The following DSCAM variants were observed in gnomAD, a reference collection of about 807,000 sequenced individuals.
DSCAM encodes DS cell adhesion molecule.
Under a neutral mutation model 217.7 loss-of-function variants are expected in DSCAM, and 47 were observed. That is an observed-to-expected ratio of 0.22 (90% CI 0.17 to 0.28). The LOEUF (loss-of-function observed/expected upper bound fraction) is 0.28, where lower values mean the gene tolerates loss of function less well. DSCAM is among the 10% of genes least tolerant of loss of function. DSCAM has a pLI of 1.00. For missense variants in DSCAM, 2,080 were observed against 2,618.3 expected, an observed-to-expected ratio of 0.79 and a Z score of 4.49; for synonymous variants, 1,056 against 1,015.3, an observed-to-expected ratio of 1.04 and a Z score of -0.76.
At chr21:40,372,408 T>G (rs1372662442) in intron 3 of DSCAM, among the ~76,000 whole-genome samples, 1 of 152,262 alleles carries the variant, frequency 6.6e-6, no homozygotes, top group Non-Finnish European at 1.5e-5. Flanking sequence ...CTTGGAATAC[T>G]ATTAGCATTT....
chr21:40,558,060 T>C (rs2076686524), intron 3 of DSCAM, among the ~76,000 whole-genome samples: 1 of 151,756 alleles, frequency 6.6e-6, no homozygotes, highest in African/African-American at 2.4e-5. Flanking sequence ...ATAAGTATAC[T>C]TCCATAACTA....
chr21:40,412,634 T>A (rs2039167536), intron 3 of DSCAM, among the ~76,000 whole-genome samples: 1 of 152,212 alleles, frequency 6.6e-6, no homozygotes, highest in Admixed American at 6.5e-5. Context: ...AAGATGTGAC[T>A]AGGGTGCTGT....
chr21:40,659,550 A>T (rs185245178), intron 3 of DSCAM, among the ~76,000 whole-genome samples: 93 of 152,014 alleles, frequency 6.1e-4, no homozygotes, highest in African/African-American at 2.2e-3. Context: ...CCATCTATGT[A>T]TATGCCTATC....
At chr21:40,296,831 CAAAA>C (rs58219836) in intron 9 of DSCAM, among the ~76,000 whole-genome samples, 3,599 of 53,700 alleles carry the variant, frequency 0.067, 97 homozygotes, top group African/African-American at 0.16. Context: ...AACTCCATCT[CAAAA>C]AAAAAAAAAA....
chr21:40,364,674 A>G (rs1490707872), intron 4 of DSCAM, among the ~76,000 whole-genome samples: 1 of 129,358 alleles, frequency 7.7e-6, no homozygotes, highest in Non-Finnish European at 1.6e-5. Context: ...AACTTAAAGT[A>G]CAATTAAAAA....
intron 9 of DSCAM, among the ~76,000 whole-genome samples, chr21:40,310,547 T>A (rs1360961770): frequency 6.6e-6 from 1 of 152,256 alleles, no homozygotes; most frequent in Non-Finnish European, 1.5e-5. Context: ...TTATCCCAAA[T>A]AGCTAGGCTC....
intron 11 of DSCAM, among the ~76,000 whole-genome samples, chr21:40,227,471 A>G (rs1267148343): frequency 6.6e-6 from 1 of 152,216 alleles, no homozygotes; most frequent in Non-Finnish European, 1.5e-5. Context: ...AATAGTAGAC[A>G]ACATTTGGGG....
intron 1 of DSCAM, among the ~76,000 whole-genome samples, chr21:40,766,232 T>C (rs1487435743): frequency 6.6e-6 from 1 of 152,078 alleles, no homozygotes; most frequent in Non-Finnish European, 1.5e-5. Flanking sequence ...CATGAACTGT[T>C]AGGACCCGAT....
intron 2 of DSCAM, among the ~76,000 whole-genome samples, chr21:40,706,770 C>T (rs1459005201): frequency 6.6e-6 from 1 of 152,076 alleles, no homozygotes; most frequent in Non-Finnish European, 1.5e-5. Flanking sequence ...AGTGAACAAC[C>T]TAAAAGATTA....
At chr21:40,845,166 G>T (rs2092134020) in intron 1 of DSCAM, among the ~76,000 whole-genome samples, 1 of 152,198 alleles carries the variant, frequency 6.6e-6, no homozygotes, top group South Asian at 2.1e-4. Context: ...TGGGTGTCTT[G>T]TCAGAACTTG....
At chr21:40,181,849 C>A (rs931499971) in intron 14 of DSCAM, among the ~76,000 whole-genome samples, 5 of 151,940 alleles carry the variant, frequency 3.3e-5, no homozygotes, top group African/African-American at 9.7e-5. Context: ...CTCGGAGTTG[C>A]AGCCTGGTTT....
At chr21:40,493,624 G>A (rs946431107) in intron 3 of DSCAM, among the ~76,000 whole-genome samples, 1 of 151,708 alleles carries the variant, frequency 6.6e-6, no homozygotes, top group Non-Finnish European at 1.5e-5. Flanking sequence ...CACTTTAGGA[G>A]GCCGAGGCAG....
chr21:40,415,552 A>G (rs1028225188), intron 3 of DSCAM, among the ~76,000 whole-genome samples: 5 of 152,268 alleles, frequency 3.3e-5, no homozygotes, highest in African/African-American at 1.2e-4. Flanking sequence ...AGACATTGTG[A>G]TAATACTGGA....
chr21:40,689,438 T>C (rs1260971873), intron 3 of DSCAM, among the ~76,000 whole-genome samples: 3 of 152,214 alleles, frequency 2.0e-5, no homozygotes, highest in African/African-American at 7.2e-5. Flanking sequence ...GTGGGGCACG[T>C]TGGGCCATGG....
At chr21:40,130,383 T>A (rs1471362823) in intron 19 of DSCAM, among the ~76,000 whole-genome samples, 1 of 152,188 alleles carries the variant, frequency 6.6e-6, no homozygotes, top group African/African-American at 2.4e-5. Flanking sequence ...AAGTTCTCAC[T>A]GATAGAGCAG....
intron 1 of DSCAM, among the ~76,000 whole-genome samples, chr21:40,828,772 C>G (rs910385515): frequency 6.6e-6 from 1 of 151,886 alleles, no homozygotes; most frequent in Non-Finnish European, 1.5e-5. Flanking sequence ...TCTCCAGCCT[C>G]AGCCTCCCAA....
At chr21:40,265,054 G>T (rs1158276540) in intron 11 of DSCAM, among the ~76,000 whole-genome samples, 1 of 140,632 alleles carries the variant, frequency 7.1e-6, no homozygotes, top group South Asian at 2.2e-4. Flanking sequence ...TTAGCCAGGT[G>T]TAGTGACAGG....
Position 40,835,888 on chromosome 21 carries a change from C to CT in DSCAM, c.43+10730dup, listed in dbSNP as rs557298745. On this transcript the variant is annotated intron_variant, in intron 1 of 32. Transcript: ENST00000400454. ...TATGCCCTTATATGCCAGCTTCTCT[C>CT]TTTTTTCTGACAACTTAGGATAATG... Among the ~76,000 whole-genome samples the CT allele has an allele frequency of 7.2e-4, 109 of 152,266 alleles. 3 individuals are homozygous for CT. The East Asian group carries it at 0.015, about 21-fold the overall frequency.
In DSCAM at chr21:40,692,798, C is replaced by T. The variant is rs377310065; in HGVS notation, c.508+12G>A. On this transcript the variant is annotated intron_variant, in intron 3 of 32. Coordinates refer to ENST00000400454, the MANE Select transcript of DSCAM (RefSeq NM_001389.5). ...AGCGTGGTGTCCTGCACCCTGGAGA[C>T]GCAAAGCCTACCTGAGACAAGTGAA... The T allele has an allele frequency of 1.7e-4, 279 of 1,608,990 alleles. 1 individual carries two copies. Among genetic ancestry groups the T allele is most frequent in the Middle Eastern group, 1.3e-3 (8 of 5,964 alleles).
Sources: allele counts gnomAD v4.1 joint callset (sites outside exome capture counted in the v4.1 genomes callset), GRCh38; gene constraint gnomAD v4.1.1; transcripts MANE v1.5; gene names NCBI Gene and HGNC (gene_info 2026-07-23, HGNC 2026-07-21).